The following MOV10 variants were observed in gnomAD, a reference collection of about 807,000 sequenced individuals.
MOV10 encodes RNA helicase MOV-10.
MOV10 carries 39 observed loss-of-function variants against 108.4 expected under a neutral mutation model. The observed-to-expected ratio is 0.36, with a 90% CI of 0.28 to 0.47. The LOEUF is 0.47. Among genes scored for constraint, MOV10 ranks in the 20% least tolerant of loss-of-function variants. MOV10 has a pLI of 1.00. For missense variants in MOV10, 952 were observed against 1,297.6 expected (o/e 0.73, Z 4.09); for synonymous variants, 490 against 523.1 (o/e 0.94, Z 0.86).
intron 16 of MOV10, 30 bp from the exon 17 acceptor site, chr1:112,698,685 G>T: frequency 6.2e-7 from 1 of 1,606,838 alleles, no homozygotes; most frequent in Non-Finnish European, 8.5e-7. Flanking sequence ...TTAATGGCAC[G>T]AGAGAAAGGC....
intron 2 of MOV10, chr1:112,687,059 ACCG>A (rs1673131127): frequency 6.6e-6 from 3 of 456,296 alleles, no homozygotes; most frequent in South Asian, 1.5e-5. Flanking sequence ...AAACCCACCA[ACCG>A]CAGTGGTTCT....
At position 112,689,569 on chromosome 1, in the gene MOV10, A is replaced by T; in HGVS notation, c.496A>T (p.Thr166Ser). The T allele has an allele frequency of 2.5e-6, 4 of 1,613,742 alleles. No homozygotes were observed. In the East Asian group the frequency reaches 8.9e-5, roughly 36 times the overall value. The stretch of plus-strand genomic sequence containing the variant: ...TGGCGGAACCCAGTCTGTTACCCTC[A>T]CTCACCTCTTCCCACTCTGCCGGAC... The part of the protein sequence containing the change: ...RNGGTQSVTL[T>S]HLFPLCRTPQ... Residue 166 changes from threonine (T) to serine (S), a missense_variant, in exon 4 of 21, where the codon ACT becomes TCT. By Grantham distance (58) the Thr-to-Ser change is moderately conservative (BLOSUM62 1). Coordinates refer to ENST00000369645, the MANE Select transcript of MOV10 (RefSeq NM_001321324.2).
chr1:112,699,125 G>A, intron 17 of MOV10: 1 of 299,024 alleles, frequency 3.3e-6, no homozygotes, highest in Non-Finnish European at 6.2e-6. Context: ...TAAGGTTCTG[G>A]TCTCAACACT....
At position 112,691,726 on chromosome 1, in the gene MOV10, C is replaced by T. The variant is rs1165964889; in HGVS notation, c.898C>T (p.Leu300Phe). The change falls in exon 6 of 21, where the codon CTC becomes TTC. Residue 300 changes from leucine to phenylalanine, a missense_variant. By Grantham distance (22) the Leu-to-Phe change is conservative. This residue lies in a region of MOV10 where 374 missense variants were observed against 468.6 expected (regional missense o/e 0.80). Transcript: ENST00000369645. ...ALGTYYPPPR[L>F]RQLLPMLLQG... is the part of the protein sequence containing the mutation. ...GGGGACATACTACCCACCTCCCCGC[C>T]TCAGGCAGCTGCTCCCCATGCTTCT... 5 of 1,614,072 alleles carry T rather than the reference C, an allele frequency of 3.1e-6. No individual in the cohort carries two copies. The highest frequency in any genetic ancestry group is 3.3e-5 in the Admixed American group (2 of 60,006).
At chr1:112,681,250 G>C (rs1190598615) in intron 2 of MOV10, among the ~76,000 whole-genome samples, 1 of 151,954 alleles carries the variant, frequency 6.6e-6, no homozygotes, top group African/African-American at 2.4e-5. Flanking sequence ...CCAGCACTTT[G>C]GGAGGCCAAG....
intron 13 of MOV10, 29 bp downstream of exon 13, chr1:112,696,563 T>A (rs759622921): frequency 6.2e-7 from 1 of 1,611,492 alleles, no homozygotes; most frequent in Non-Finnish European, 8.5e-7. Flanking sequence ...GCTGCAGGTA[T>A]ACACCCTGTG....
In MOV10 at chr1:112,688,916, T is replaced by A; in HGVS notation, c.138-19T>A. On this transcript the variant is annotated intron_variant, in intron 2 of 20. Coordinates refer to ENST00000369645, the MANE Select transcript of MOV10 (RefSeq NM_001321324.2). ...AGCCCTGCCTTCCCTCACTTCCCAG[T>A]CTCCTCTGCTTCTGGCAGCTTTGGG... 1 of 1,611,664 alleles carries A rather than the reference T, an allele frequency of 6.2e-7. No homozygotes were observed. Among genetic ancestry groups the A allele is most frequent in the Non-Finnish European group, 8.5e-7 (1 of 1,179,650 alleles).
In MOV10 at chr1:112,699,776, T is replaced by A; in HGVS notation, c.2675T>A (p.Leu892Gln). 1 of 1,614,250 alleles carries A rather than the reference T, an allele frequency of 6.2e-7. No individual in the cohort carries two copies. The highest frequency in any genetic ancestry group is 1.1e-5 in the South Asian group (1 of 91,092). Reference sequence around the variant, plus strand: ...AGCCAGAGCTTTGTGCAGCTGGATCTGGACTTTAATCTGGGTTTCCTTAAG... The same window carrying A: ...AGCCAGAGCTTTGTGCAGCTGGATCAGGACTTTAATCTGGGTTTCCTTAAG... ...RSSQSFVQLD[L>Q]DFNLGFLKNP... Residue 892 changes from leucine (L) to glutamine (Q), a missense_variant, in exon 18 of 21, where the codon CTG becomes CAG. Transcript: ENST00000369645.
At chr1:112,676,494 G>GT (rs1672208873) in intron 2 of MOV10, among the ~76,000 whole-genome samples, 1 of 152,160 alleles carries the variant, frequency 6.6e-6, no homozygotes, top group Non-Finnish European at 1.5e-5. Context: ...CAAGGCTATG[G>GT]TAATAGGGTA....
chr1:112,690,322 T>C (rs1282851838), intron 5 of MOV10, among the ~76,000 whole-genome samples: 1 of 152,232 alleles, frequency 6.6e-6, no homozygotes, highest in Non-Finnish European at 1.5e-5. Context: ...TGTGATGCAT[T>C]ATCAGGCAGA....
chr1:112,693,798 C>T (rs1435822199), intron 7 of MOV10: 2 of 450,068 alleles, frequency 4.4e-6, no homozygotes, highest in Admixed American at 3.3e-5. Flanking sequence ...TTCCTGGGCT[C>T]GGCATCTCTG....
At chr1:112,698,849 A>C (rs927189636) in intron 17 of MOV10, 60 bp downstream of exon 17, 1 of 1,436,124 alleles carries the variant, frequency 7.0e-7, no homozygotes, top group African/African-American at 1.4e-5. Flanking sequence ...GCCCACTTCC[A>C]GAGACTTCCT....
At chr1:112,681,171 T>A (rs1049744277) in intron 2 of MOV10, among the ~76,000 whole-genome samples, 1 of 151,914 alleles carries the variant, frequency 6.6e-6, no homozygotes, top group Non-Finnish European at 1.5e-5. Context: ...ATCAGGGTGG[T>A]TTTTTTAGTC....
At chr1:112,676,337 G>A (rs1013976554) in intron 2 of MOV10, among the ~76,000 whole-genome samples, 8 of 152,160 alleles carry the variant, frequency 5.3e-5, no homozygotes, top group Admixed American at 5.2e-4. Context: ...GAAAGAGCGA[G>A]CATTTGCATC....
chr1:112,694,824 T>A lies in MOV10; in HGVS notation c.1548T>A (p.Arg516=), dbSNP rs1287467661. The A allele has an allele frequency of 1.2e-6, 2 of 1,614,128 alleles. No individual in the cohort carries two copies. The highest frequency in any genetic ancestry group is 2.2e-5 in the South Asian group (2 of 91,086). ...AMRHIVTGTT[R]PAPYIIFGPP... ...GGCACATTGTTACGGGCACCACCCG[T>A]CCAGCCCCCTACATCATCTTTGGGC... The change falls in exon 10 of 21, where the codon CGT becomes CGA. Residue 516 remains arginine (R), a synonymous_variant. Coordinates refer to ENST00000369645, the MANE Select transcript of MOV10 (RefSeq NM_001321324.2). The surrounding 1 kb of genome is among the most constrained non-coding windows in gnomAD (Gnocchi z 4.1).
chr1:112,683,849 A>G (rs766161879), intron 2 of MOV10, among the ~76,000 whole-genome samples: 3 of 152,188 alleles, frequency 2.0e-5, no homozygotes, highest in African/African-American at 7.2e-5. Flanking sequence ...ATCCTTGCAC[A>G]TATGTCTTTA....
chr1:112,683,742 C>T (rs145834418), intron 2 of MOV10, among the ~76,000 whole-genome samples: 778 of 152,282 alleles, frequency 5.1e-3, no homozygotes, highest in Non-Finnish European at 8.5e-3. Flanking sequence ...TAATATCCCA[C>T]GGTATGAGTG....
At chr1:112,693,490 A>C (rs1673770524) in intron 7 of MOV10, among the ~76,000 whole-genome samples, 1 of 151,978 alleles carries the variant, frequency 6.6e-6, no homozygotes, top group African/African-American at 2.4e-5. Context: ...GATCCTCCCA[A>C]GTAGCTGGGA....
intron 17 of MOV10, 185 bp from the exon 18 acceptor site, chr1:112,699,500 T>C (rs1106287): frequency 2.1e-6 from 3 of 1,436,678 alleles, no homozygotes; most frequent in African/African-American, 2.9e-5. Flanking sequence ...TCAACCTTCA[T>C]GTTTCAGCTT....
Sources: allele counts gnomAD v4.1 joint callset (sites outside exome capture counted in the v4.1 genomes callset), GRCh38; gene constraint gnomAD v4.1.1; regional missense constraint gnomAD v4.1.1; non-coding constraint Gnocchi (gnomAD v3.1); transcripts MANE v1.5; gene names NCBI Gene and HGNC (gene_info 2026-07-23, HGNC 2026-07-21).